The following PPP2R3A variants were observed in gnomAD, a reference collection of about 807,000 sequenced individuals.
PPP2R3A encodes protein phosphatase 2 regulatory subunit B''alpha.
A neutral mutation model predicts 106.9 loss-of-function variants in PPP2R3A; 80 were observed. The observed-to-expected ratio is 0.75, with a 90% CI of 0.62 to 0.90. The LOEUF is 0.90. Ranked by LOEUF, PPP2R3A falls within the 40% of genes least tolerant of loss-of-function variation. The pLI, the probability that PPP2R3A is intolerant of heterozygous loss-of-function variation, is 0.00. For synonymous variants in PPP2R3A, 483 were observed against 468.3 expected (o/e 1.03, Z -0.41); for missense variants, 1,386 against 1,350.4 (o/e 1.03, Z -0.41).
At chr3:135,984,871 G>GA (rs139141041) in intron 1 of PPP2R3A, among the ~76,000 whole-genome samples, 1,908 of 152,290 alleles carry the variant, frequency 0.013, 41 homozygotes, top group African/African-American at 0.044. Context: ...AGAAGGCAAG[G>GA]AGGAGCAAGT....
At chr3:136,140,672 C>T (rs1938829575) in intron 13 of PPP2R3A, among the ~76,000 whole-genome samples, 1 of 151,130 alleles carries the variant, frequency 6.6e-6, no homozygotes, top group Non-Finnish European at 1.5e-5. Flanking sequence ...CGCTTGAACC[C>T]CGGAGGCAGA....
At position 136,070,780 on chromosome 3, in the gene PPP2R3A, A is replaced by G. The variant is rs146144813; in HGVS notation, c.2544+228A>G. Among the ~76,000 whole-genome samples the G allele has an allele frequency of 1.1e-3, 174 of 152,306 alleles. 1 individual carries two copies. Among genetic ancestry groups the G allele is most frequent in the Non-Finnish European group, 2.0e-3 (139 of 68,028 alleles). On this transcript the variant is annotated intron_variant, in intron 6 of 13. Coordinates refer to ENST00000264977, the MANE Select transcript of PPP2R3A (RefSeq NM_002718.5). The stretch of plus-strand genomic sequence containing the variant: ...AAAATTAAAGTAATATATTCCTTCT[A>G]TCTGGTCTTATGAGGCATATCTTTT...
At chr3:136,042,226 C>T (rs1935312060) in intron 4 of PPP2R3A, among the ~76,000 whole-genome samples, 1 of 152,112 alleles carries the variant, frequency 6.6e-6, no homozygotes, top group African/African-American at 2.4e-5. Context: ...GTTCTTCATA[C>T]ATCACATTAG....
intron 4 of PPP2R3A, among the ~76,000 whole-genome samples, chr3:136,045,186 A>G (rs1935429834): frequency 6.6e-6 from 1 of 152,202 alleles, no homozygotes; most frequent in Non-Finnish European, 1.5e-5. Flanking sequence ...GCAGGCACAC[A>G]GCACAGCCTC....
At chr3:135,975,766 T>C (rs977072313) in intron 1 of PPP2R3A, among the ~76,000 whole-genome samples, 18 of 152,136 alleles carry the variant, frequency 1.2e-4, no homozygotes, top group African/African-American at 4.3e-4. Context: ...CATATAATCA[T>C]ATAGCTAAAA....
rs377082928 is a variant in PPP2R3A, at chr3:135,977,759, G to A, written c.-441+11910G>A. On this transcript the variant is annotated intron_variant, in intron 1 of 13. Coordinates refer to ENST00000264977, the MANE Select transcript of PPP2R3A (RefSeq NM_002718.5). ...GTGTTGCCCAGGCTGGAGTACAGTG[G>A]TGCAATCTCAGCTCACTGCGACCTC... 6.8e-5 allele frequency among the ~76,000 whole-genome samples: 9 copies of A among 133,166 alleles called. No homozygotes were observed. In the East Asian group the frequency reaches 1.7e-3, roughly 26 times the overall value. The allele number at this position is 133,166 out of a possible 152,430, so 87.4% of individuals were successfully genotyped here. A position where few individuals can be genotyped will look rare whatever the true frequency, so the allele number is the denominator to read the frequency against.
intron 1 of PPP2R3A, among the ~76,000 whole-genome samples, chr3:135,987,789 A>G (rs1028994025): frequency 6.6e-6 from 1 of 152,154 alleles, no homozygotes; most frequent in African/African-American, 2.4e-5. Flanking sequence ...TAGTTATTTC[A>G]ATTGGCTGTA....
intron 5 of PPP2R3A, among the ~76,000 whole-genome samples, chr3:136,052,263 G>C (rs1935710432): frequency 6.6e-6 from 1 of 152,152 alleles, no homozygotes; most frequent in Non-Finnish European, 1.5e-5. Context: ...ACTAGCTTTT[G>C]GTTGGATCTG....
At chr3:136,117,593 A>G (rs889940079) in intron 13 of PPP2R3A, among the ~76,000 whole-genome samples, 3 of 152,218 alleles carry the variant, frequency 2.0e-5, no homozygotes, top group African/African-American at 7.2e-5. Context: ...AGAGAATAGT[A>G]TAAACACCTC....
chr3:136,097,849 A>G (rs949220033), intron 10 of PPP2R3A, among the ~76,000 whole-genome samples: 13 of 152,274 alleles, frequency 8.5e-5, no homozygotes, highest in South Asian at 4.1e-4. Context: ...TGTAACAACC[A>G]GATATTATTA....
chr3:135,978,198 A>G (rs1293308478), intron 1 of PPP2R3A, among the ~76,000 whole-genome samples: 2 of 149,138 alleles, frequency 1.3e-5, no homozygotes, highest in South Asian at 2.1e-4. Context: ...AAAGTTATAC[A>G]TTTATTTACA....
chr3:136,144,157 C>G (rs999956235), intron 13 of PPP2R3A, among the ~76,000 whole-genome samples: 1 of 152,204 alleles, frequency 6.6e-6, no homozygotes, highest in Non-Finnish European at 1.5e-5. Flanking sequence ...ATACAGAATT[C>G]AGGGGATACC....
rs1161732902 is a variant in PPP2R3A, at chr3:136,104,359, T to C, written c.3222+983T>C. ...TTCGCTCTTGTTGCCCAGGCTGGAG[T>C]GCAATGGTGTGATCTCGGCTCACCG... On this transcript the variant is annotated intron_variant, in intron 12 of 13. Coordinates refer to ENST00000264977, the MANE Select transcript of PPP2R3A (RefSeq NM_002718.5). Among the ~76,000 whole-genome samples the C allele has an allele frequency of 2.0e-5, 3 of 151,716 alleles. No homozygotes were observed. In the East Asian group the frequency reaches 5.8e-4, roughly 29 times the overall value.
At chr3:135,984,565 T>A (rs1937581064) in intron 1 of PPP2R3A, among the ~76,000 whole-genome samples, 2 of 152,124 alleles carry the variant, frequency 1.3e-5, no homozygotes, top group Non-Finnish European at 2.9e-5. Context: ...GTTTCCCCCA[T>A]GCCGTTCTCG....
At chr3:136,082,451 AC>A in intron 8 of PPP2R3A, 30 bp downstream of exon 8, 1 of 1,597,730 alleles carries the variant, frequency 6.3e-7, no homozygotes, top group Admixed American at 1.7e-5. Flanking sequence ...CTAAGACTTA[AC>A]CATTTTAAAG....
intron 1 of PPP2R3A, among the ~76,000 whole-genome samples, chr3:135,968,883 T>G (rs2107742532): frequency 6.6e-6 from 1 of 152,310 alleles, no homozygotes; most frequent in South Asian, 2.1e-4. Context: ...AGTATATAGT[T>G]TCCTTATTTT....
At chr3:135,971,885 T>A (rs745697613) in intron 1 of PPP2R3A, among the ~76,000 whole-genome samples, 1 of 152,170 alleles carries the variant, frequency 6.6e-6, no homozygotes, top group Non-Finnish European at 1.5e-5. Context: ...CTTTGGTTTG[T>A]GGAGGAAACA....
chr3:136,108,095 C>G (rs973131945), intron 13 of PPP2R3A, among the ~76,000 whole-genome samples: 3 of 152,072 alleles, frequency 2.0e-5, no homozygotes, highest in Non-Finnish European at 4.4e-5. Context: ...TGCCTGTAGT[C>G]CCAGCTACTC....
intron 6 of PPP2R3A, among the ~76,000 whole-genome samples, chr3:136,073,803 G>T (rs1055602476): frequency 6.6e-6 from 1 of 152,204 alleles, no homozygotes; most frequent in African/African-American, 2.4e-5. Context: ...ATAATGGCAT[G>T]AAGTCATTGA....
Sources: allele counts gnomAD v4.1 joint callset (sites outside exome capture counted in the v4.1 genomes callset), GRCh38; gene constraint gnomAD v4.1.1; transcripts MANE v1.5; gene names NCBI Gene and HGNC (gene_info 2026-07-23, HGNC 2026-07-21).